Variants in THSD8 observed in about 807,000 individuals in gnomAD.
THSD8 encodes the protein thrombospondin type-1 domain-containing protein 8.
At chr19:12,802,326 G>A in intron 1 of THSD8, 107 bp downstream of exon 1, 2 of 397,306 alleles carry the variant, frequency 5.0e-6, no homozygotes, top group Non-Finnish European at 8.9e-6. Flanking sequence ...TCTCCACCCA[G>A]CTCCGCACTG....
rs1417514078 is a variant in THSD8, at chr19:12,802,069, A to C, written c.-3A>C. 3 of 398,554 alleles carry C rather than the reference A, an allele frequency of 7.5e-6. No individual in the cohort carries two copies. The highest frequency in any genetic ancestry group is 1.3e-5 in the Non-Finnish European group (3 of 226,004). The allele number at this position is 398,554 out of a possible 1,614,324, so 24.7% of individuals were successfully genotyped here. On this transcript the variant is annotated 5_prime_UTR_variant, in exon 1 of 2. Coordinates refer to ENST00000639810, the MANE Select transcript of THSD8 (RefSeq NM_001386800.1). ...AGCGCGTTGGGGGCCGTTGGAGTCC[A>C]GCATGGCGCGGACCCCGGGGGCGCT...
At chr19:12,803,276 TAAAC>T (rs1239755967) in intron 1 of THSD8, among the ~76,000 whole-genome samples, 1 of 152,000 alleles carries the variant, frequency 6.6e-6, no homozygotes, top group Non-Finnish European at 1.5e-5. Flanking sequence ...ATTAAATAAA[TAAAC>T]AAACTGATCA....
chr19:12,802,094 T>G lies in THSD8; in HGVS notation c.23T>G (p.Leu8Arg), dbSNP rs1215399619. Residue 8 changes from leucine to arginine, a missense_variant, in exon 1 of 2, where the codon CTG (leucine) becomes CGG (arginine). By Grantham distance (102) the Leu-to-Arg change is moderately radical. Transcript: ENST00000639810. Reference protein sequence around the residue: MARTPGALLLAPLLLLQL... With the variant: MARTPGARLLAPLLLLQL... ...AGCATGGCGCGGACCCCGGGGGCGC[T>G]GCTGCTGGCGCCTCTGCTACTCCTG... 1 of 398,570 alleles carries G rather than the reference T, an allele frequency of 2.5e-6. No homozygotes were observed. The highest frequency in any genetic ancestry group is 4.4e-6 in the Non-Finnish European group (1 of 226,104). The allele number at this position is 398,570 out of a possible 1,614,324, so 24.7% of individuals were successfully genotyped here.
rs1013755614 is a variant in THSD8, at chr19:12,804,342, C to A, written c.*39C>A. 3 of 398,524 alleles carry A rather than the reference C, an allele frequency of 7.5e-6. No individual in the cohort carries two copies. The highest frequency in any genetic ancestry group is 8.8e-5 in the Admixed American group (2 of 22,722). 24.7% of individuals were successfully genotyped at this position (398,524 alleles called of 1,614,324 possible). A position where few individuals can be genotyped will look rare whatever the true frequency, so the allele number is the denominator to read the frequency against. On this transcript the variant is annotated 3_prime_UTR_variant, in exon 2 of 2. Coordinates refer to ENST00000639810, the MANE Select transcript of THSD8 (RefSeq NM_001386800.1). Reference sequence around the variant, plus strand: ...AGCAGGGCCGGGGCAAGTTGCGGGGCCCAGGGTGGGCGCGGAGGGAGGATG... The same window carrying A: ...AGCAGGGCCGGGGCAAGTTGCGGGGACCAGGGTGGGCGCGGAGGGAGGATG...
At chr19:12,803,911 CAAAAAAAAAAAAAAA>C (rs761806696) in intron 1 of THSD8, among the ~76,000 whole-genome samples, 178 bp from the exon 2 acceptor site, 2 of 34,868 alleles carry the variant, frequency 5.7e-5, no homozygotes, top group East Asian at 1.3e-3. Context: ...GACCCTGTCT[CAAAAAAAAAAAAAAA>C]AAAAAAAAAA....
chr19:12,802,409 C>G lies in THSD8; in HGVS notation c.148+190C>G, dbSNP rs1467554770. 2.0e-5 allele frequency among the ~76,000 whole-genome samples: 3 copies of G among 152,294 alleles called. No homozygotes were observed. In the East Asian group the frequency reaches 5.8e-4, roughly 29 times the overall value. ...CTTGGATATATTGAAATAGATACTG[C>G]TTTAAAGCAGCTCCCAGGGGAAGAG... On this transcript the variant is annotated intron_variant, in intron 1 of 1. Transcript: ENST00000639810.
chr19:12,803,018 G>C (rs1353679685), intron 1 of THSD8, among the ~76,000 whole-genome samples: 1 of 152,020 alleles, frequency 6.6e-6, no homozygotes, highest in Non-Finnish European at 1.5e-5. Context: ...AGGACTGCTT[G>C]AGCCCAGGAA....
chr19:12,802,976 G>A (rs1048739345), intron 1 of THSD8, among the ~76,000 whole-genome samples: 1 of 152,050 alleles, frequency 6.6e-6, no homozygotes, highest in Non-Finnish European at 1.5e-5. Flanking sequence ...AGCCTGACTT[G>A]ATGGCCCAGC....
Position 12,803,911 on chromosome 19 carries a change from C to CAAAAAAAAAAA in THSD8, c.149-176_149-166dup, listed in dbSNP as rs761806696. 5.5e-3 allele frequency among the ~76,000 whole-genome samples: 191 copies of CAAAAAAAAAAA among 34,868 alleles called. 26 individuals are homozygous for CAAAAAAAAAAA. The highest frequency in any genetic ancestry group is 0.021 in the African/African-American group (182 of 8,718). 22.9% of individuals were successfully genotyped at this position (34,868 alleles called of 152,430 possible). A position where few individuals can be genotyped will look rare whatever the true frequency, so the allele number is the denominator to read the frequency against. The stretch of plus-strand genomic sequence containing the variant: ...TGGGCGACAGAGCGAGACCCTGTCT[C>CAAAAAAAAAAA]AAAAAAAAAAAAAAAAAAAAAAAAA... On this transcript the variant is annotated intron_variant, in intron 1 of 1. Coordinates refer to ENST00000639810, the MANE Select transcript of THSD8 (RefSeq NM_001386800.1).
chr19:12,802,783 T>C (rs1051369352), intron 1 of THSD8, among the ~76,000 whole-genome samples: 1 of 151,874 alleles, frequency 6.6e-6, no homozygotes, highest in African/African-American at 2.4e-5. Context: ...ATCTGTCTCA[T>C]AGGGGAAAGG....
rs1043282416 is a variant in THSD8, at chr19:12,802,113, A to G, written c.42A>G (p.Leu14=). The G allele has an allele frequency of 1.3e-5, 5 of 398,400 alleles. No homozygotes were observed. The highest frequency in any genetic ancestry group is 8.8e-5 in the Admixed American group (2 of 22,708). 24.7% of individuals were successfully genotyped at this position (398,400 alleles called of 1,614,324 possible). Residue 14 remains leucine, a synonymous_variant, in exon 1 of 2, where the codon CTA becomes CTG. Transcript: ENST00000639810. ...TPGALLLAPL[L]LLQLATPALV... is the part of the protein sequence containing the mutation. ...GGGCGCTGCTGCTGGCGCCTCTGCTACTCCTGCAGCTGGCGACCCCTGCCC... is the reference window on the plus strand; with the variant it reads ...GGGCGCTGCTGCTGGCGCCTCTGCTGCTCCTGCAGCTGGCGACCCCTGCCC...
chr19:12,804,115 T>C lies in THSD8; in HGVS notation c.160T>C (p.Ser54Pro). 1 of 398,520 alleles carries C rather than the reference T, an allele frequency of 2.5e-6. No individual in the cohort carries two copies. The highest frequency in any genetic ancestry group is 4.4e-6 in the Non-Finnish European group (1 of 226,072). The allele number at this position is 398,520 out of a possible 1,614,324, so 24.7% of individuals were successfully genotyped here. A position where few individuals can be genotyped will look rare whatever the true frequency, so the allele number is the denominator to read the frequency against. ...RLQHLKEVED[S>P]ILGPWGKWRC... The stretch of plus-strand genomic sequence containing the variant: ...CCCTCCTTCTCTAGAAGTCGAGGAC[T>C]CAATCCTTGGCCCGTGGGGAAAGTG... The change falls in exon 2 of 2, where the codon TCA (serine) becomes CCA (proline). Residue 54 changes from serine (S) to proline (P), a missense_variant. By Grantham distance (74) the Ser-to-Pro change is moderately conservative (BLOSUM62 -1). Transcript: ENST00000639810.
rs1267282118 is a variant in THSD8, at chr19:12,802,156, C to G, written c.85C>G (p.Gln29Glu). The G allele has an allele frequency of 2.5e-6, 1 of 398,674 alleles. No homozygotes were observed. The highest frequency in any genetic ancestry group is 4.4e-6 in the Non-Finnish European group (1 of 226,102). The allele number at this position is 398,674 out of a possible 1,614,324, so 24.7% of individuals were successfully genotyped here. A position where few individuals can be genotyped will look rare whatever the true frequency, so the allele number is the denominator to read the frequency against. Reference sequence around the variant, plus strand: ...CCCTGCCCTGGTCTACCAGGACTATCAGTACTTAGGGCAGCAGGGCGAAGG... The same window carrying G: ...CCCTGCCCTGGTCTACCAGGACTATGAGTACTTAGGGCAGCAGGGCGAAGG... ...ATPALVYQDYQYLGQQGEGDS... is the reference protein window; with the variant it reads ...ATPALVYQDYEYLGQQGEGDS... The change falls in exon 1 of 2, where the codon CAG becomes GAG. Residue 29 changes from glutamine to glutamate, a missense_variant. Physicochemically the swap from Gln to Glu is conservative, Grantham distance 29. Coordinates refer to ENST00000639810, the MANE Select transcript of THSD8 (RefSeq NM_001386800.1).
chr19:12,803,174 G>A (rs1968931050), intron 1 of THSD8, among the ~76,000 whole-genome samples: 1 of 152,202 alleles, frequency 6.6e-6, no homozygotes, highest in African/African-American at 2.4e-5. Flanking sequence ...AGGACCATTT[G>A]TGCCAAGGAG....
intron 1 of THSD8, among the ~76,000 whole-genome samples, chr19:12,803,012 C>G (rs912846914): frequency 1.3e-5 from 2 of 151,876 alleles, no homozygotes; most frequent in African/African-American, 4.8e-5. Flanking sequence ...GGCGGGAGGA[C>G]TGCTTGAGCC....
At chr19:12,803,164 A>G (rs1968930839) in intron 1 of THSD8, among the ~76,000 whole-genome samples, 1 of 152,188 alleles carries the variant, frequency 6.6e-6, no homozygotes, top group Admixed American at 6.5e-5. Context: ...CTGATACAGG[A>G]GGACCATTTG....
Position 12,804,110 on chromosome 19 carries a change from AG to A in THSD8, c.157del (p.Asp53ThrfsTer25), listed in dbSNP as rs1968945412. The A allele has an allele frequency of 2.5e-5, 10 of 398,454 alleles. No homozygotes were observed. The East Asian group carries it at 3.6e-4, about 14-fold the overall frequency. 24.7% of individuals were successfully genotyped at this position (398,454 alleles called of 1,614,324 possible). A position where few individuals can be genotyped will look rare whatever the true frequency, so the allele number is the denominator to read the frequency against. On this transcript the variant is annotated frameshift_variant, in exon 2 of 2. Transcript: ENST00000639810. LOFTEE classifies it low-confidence loss of function (END_TRUNC). ...CTCTGCCCTCCTTCTCTAGAAGTCG[AG>A]GACTCAATCCTTGGCCCGTGGGGAA... is the stretch of plus-strand genomic sequence containing the variant. ...QLRLQHLKEV[E>X]DSILGPWGKW...
In THSD8 at chr19:12,804,279, C is replaced by T; in HGVS notation, c.324C>T (p.Pro108=). 1 of 398,566 alleles carries T rather than the reference C, an allele frequency of 2.5e-6. No homozygotes were observed. 24.7% of individuals were successfully genotyped at this position (398,566 alleles called of 1,614,324 possible). ...AACGGGATTGTCCATCCTGCAAGCC[C>T]TTCGACTGCGACTGGAGGCTCTGAG... ...CRQRDCPSCK[P]FDCDWRL is the part of the protein sequence containing the mutation. Residue 108 remains proline, a synonymous_variant, in exon 2 of 2, where the codon CCC becomes CCT. Coordinates refer to ENST00000639810, the MANE Select transcript of THSD8 (RefSeq NM_001386800.1).
At chr19:12,803,934 AAAAAG>A (rs1435762208) in intron 1 of THSD8, among the ~76,000 whole-genome samples, 165 bp from the exon 2 acceptor site, 3 of 150,282 alleles carry the variant, frequency 2.0e-5, no homozygotes, top group Non-Finnish European at 3.0e-5. Context: ...AAAAAAAAAA[AAAAAG>A]CTTAAATGAG....
Sources: gnomAD v4.1 joint callset for allele counts (sites outside exome capture counted in the v4.1 genomes callset) on GRCh38, gnomAD v4.1.1 for gene constraint, MANE v1.5 for transcripts, NCBI Gene and HGNC (gene_info 2026-07-23, HGNC 2026-07-21) for gene names.